Variants in LRP1B observed in about 807,000 individuals in gnomAD.
The protein encoded by LRP1B is low-density lipoprotein receptor-related protein 1B.
LRP1B carries 217 observed loss-of-function variants against 556.6 expected under a neutral mutation model. The ratio of observed to expected loss-of-function variants is 0.39; its 90% confidence interval spans 0.35 to 0.44. The LOEUF is 0.44. Among genes scored for constraint, LRP1B ranks in the 20% least tolerant of loss-of-function variants. LRP1B has a pLI of 1.00. For missense variants in LRP1B, 5,053 were observed against 5,620.8 expected, an observed-to-expected ratio of 0.90 and a Z score of 3.23; for synonymous variants, 2,047 against 1,865.8, an observed-to-expected ratio of 1.10 and a Z score of -2.50.
chr2:141,875,190 A>G (rs926580694), intron 1 of LRP1B, among the ~76,000 whole-genome samples: 3 of 151,668 alleles, frequency 2.0e-5, no homozygotes, highest in Non-Finnish European at 4.4e-5. Context: ...TATAATATAT[A>G]TAAGAGATGG....
At chr2:141,057,987 CTTAG>C (rs1253442648) in intron 9 of LRP1B, among the ~76,000 whole-genome samples, 1 of 151,822 alleles carries the variant, frequency 6.6e-6, no homozygotes, top group Non-Finnish European at 1.5e-5. Flanking sequence ...ACATAATTTA[CTTAG>C]TTATTTTGTA....
chr2:140,295,743 A>G (rs1217522211), intron 84 of LRP1B, among the ~76,000 whole-genome samples: 1 of 152,196 alleles, frequency 6.6e-6, no homozygotes, highest in Non-Finnish European at 1.5e-5. Flanking sequence ...AATAAAACTA[A>G]TGCAAAAAAG....
chr2:141,932,057 G>A (rs950567635), intron 1 of LRP1B, among the ~76,000 whole-genome samples: 1 of 152,064 alleles, frequency 6.6e-6, no homozygotes, highest in Non-Finnish European at 1.5e-5. Flanking sequence ...AGATTAGGAA[G>A]AGTCCAGTAA....
chr2:140,563,856 A>G (rs1681026856), intron 43 of LRP1B, among the ~76,000 whole-genome samples: 1 of 152,180 alleles, frequency 6.6e-6, no homozygotes, highest in Admixed American at 6.5e-5. Flanking sequence ...GAATAGACAG[A>G]AAAAGTGAGA....
At chr2:141,952,265 G>A (rs1701127849) in intron 1 of LRP1B, among the ~76,000 whole-genome samples, 1 of 151,818 alleles carries the variant, frequency 6.6e-6, no homozygotes, top group Non-Finnish European at 1.5e-5. Context: ...TGGACATTTG[G>A]GTTGGTTCCA....
At chr2:140,493,220 TTTG>T (rs1688778566) in intron 56 of LRP1B, among the ~76,000 whole-genome samples, 1 of 152,172 alleles carries the variant, frequency 6.6e-6, no homozygotes. Flanking sequence ...AAAATCTTTG[TTTG>T]TTAATTTTAC....
intron 35 of LRP1B, among the ~76,000 whole-genome samples, chr2:140,731,390 T>A (rs1291617573): frequency 6.6e-6 from 1 of 152,112 alleles, no homozygotes; most frequent in Non-Finnish European, 1.5e-5. Context: ...ATCAAGTGAA[T>A]AGTATAAGAG....
At chr2:141,169,927 A>G (rs1680426671) in intron 7 of LRP1B, among the ~76,000 whole-genome samples, 1 of 152,006 alleles carries the variant, frequency 6.6e-6, no homozygotes, top group Non-Finnish European at 1.5e-5. Flanking sequence ...GTACCAATAT[A>G]CAGTTTGTAA....
chr2:140,989,679 G>T, intron 16 of LRP1B, 22 bp from the exon 17 acceptor site: 2 of 1,609,816 alleles, frequency 1.2e-6, no homozygotes, highest in East Asian at 4.5e-5. Context: ...GGGGAAGCAA[G>T]ATTAATTATT....
At chr2:141,245,320 A>C (rs1684026927) in intron 5 of LRP1B, among the ~76,000 whole-genome samples, 1 of 152,204 alleles carries the variant, frequency 6.6e-6, no homozygotes, top group South Asian at 2.1e-4. Flanking sequence ...TATTTTGTAG[A>C]TACATATGTT....
At chr2:140,814,626 G>T (rs966691128) in intron 31 of LRP1B, among the ~76,000 whole-genome samples, 5 of 152,134 alleles carry the variant, frequency 3.3e-5, no homozygotes, top group Non-Finnish European at 5.9e-5. Flanking sequence ...GGCAGTTACA[G>T]ATTTAAATTG....
chr2:140,536,926 C>T (rs1037551298), intron 45 of LRP1B, among the ~76,000 whole-genome samples: 1 of 151,282 alleles, frequency 6.6e-6, no homozygotes, highest in African/African-American at 2.4e-5. Context: ...GTAATCTCAG[C>T]ACTTTTGGAG....
intron 1 of LRP1B, among the ~76,000 whole-genome samples, chr2:141,897,019 G>A (rs149030126): frequency 8.5e-4 from 129 of 152,140 alleles, no homozygotes; most frequent in African/African-American, 3.0e-3. Context: ...CTATATCATT[G>A]CCTGATTTCC....
chr2:140,559,760 G>GAAA (rs35908593), intron 43 of LRP1B, among the ~76,000 whole-genome samples: 5 of 145,414 alleles, frequency 3.4e-5, no homozygotes, highest in African/African-American at 5.0e-5. Flanking sequence ...ATAAATAATT[G>GAAA]AAAAAAAAAA....
intron 5 of LRP1B, among the ~76,000 whole-genome samples, chr2:141,238,876 A>G (rs972118187): frequency 2.6e-5 from 4 of 152,210 alleles, no homozygotes; most frequent in Non-Finnish European, 5.9e-5. Context: ...TAGAAAATCA[A>G]AAGTTCATAG....
chr2:140,383,204 T>C (rs1253461067), intron 67 of LRP1B, among the ~76,000 whole-genome samples: 1 of 152,088 alleles, frequency 6.6e-6, no homozygotes, highest in Admixed American at 6.6e-5. Context: ...AACTGCCAAA[T>C]GTAAATCAAA....
intron 32 of LRP1B, among the ~76,000 whole-genome samples, chr2:140,813,028 A>G (rs1349497178): frequency 6.6e-6 from 1 of 152,164 alleles, no homozygotes; most frequent in Non-Finnish European, 1.5e-5. Flanking sequence ...TTCAAAAATT[A>G]GCTTCTAATA....
At chr2:140,427,110 C>T (rs1302855270) in intron 66 of LRP1B, among the ~76,000 whole-genome samples, 3 of 152,140 alleles carry the variant, frequency 2.0e-5, no homozygotes, top group Non-Finnish European at 4.4e-5. Context: ...ATCCGTGGAC[C>T]CAAAACTCCG....
intron 3 of LRP1B, among the ~76,000 whole-genome samples, chr2:141,267,975 T>C (rs1684953175): frequency 6.6e-6 from 1 of 152,276 alleles, no homozygotes; most frequent in Admixed American, 6.5e-5. Flanking sequence ...TTAGAAGTAC[T>C]TGTGACTAAA....
Sources: gnomAD v4.1 joint callset for allele counts (sites outside exome capture counted in the v4.1 genomes callset) on GRCh38, gnomAD v4.1.1 for gene constraint, MANE v1.5 for transcripts, NCBI Gene and HGNC (gene_info 2026-07-23, HGNC 2026-07-21) for gene names.